Variants in ZNF804B observed in about 807,000 individuals in gnomAD.
ZNF804B encodes zinc finger 804B.
ZNF804B carries 80 observed loss-of-function variants against 101.4 expected under a neutral mutation model. That is an observed-to-expected ratio of 0.79 (90% CI 0.66 to 0.95). ZNF804B has a LOEUF of 0.95. Among genes scored for constraint, ZNF804B ranks in the 40% least tolerant of loss-of-function variants. ZNF804B has a pLI of 0.00. For missense variants in ZNF804B, 1,673 were observed against 1,561.9 expected (o/e 1.07, Z -1.20); for synonymous variants, 622 against 558.8 (o/e 1.11, Z -1.59).
intron 1 of ZNF804B, among the ~76,000 whole-genome samples, chr7:88,812,762 C>A (rs1454283982): frequency 6.6e-6 from 1 of 151,954 alleles, no homozygotes; most frequent in Non-Finnish European, 1.5e-5. Context: ...CACGAATGAA[C>A]CTGGAAGACA....
intron 1 of ZNF804B, among the ~76,000 whole-genome samples, chr7:89,027,092 A>G (rs376190342): frequency 1.3e-5 from 2 of 152,144 alleles, no homozygotes; most frequent in South Asian, 4.1e-4. Flanking sequence ...AAGTGATTAT[A>G]AAAAACCCAT....
At chr7:88,940,779 A>ATAATAATAATAC (rs1310546881) in intron 1 of ZNF804B, among the ~76,000 whole-genome samples, 2 of 144,782 alleles carry the variant, frequency 1.4e-5, no homozygotes, top group Admixed American at 6.9e-5. Context: ...AATAATAATA[A>ATAATAATAATAC]TAATAATAAT....
At chr7:89,198,158 T>C (rs1788583027) in intron 1 of ZNF804B, among the ~76,000 whole-genome samples, 1 of 151,906 alleles carries the variant, frequency 6.6e-6, no homozygotes, top group South Asian at 2.1e-4. Context: ...CAACTAATGA[T>C]ATGATTTAAG....
In ZNF804B at chr7:89,337,809, A is replaced by G. The variant is rs983098696; in HGVS notation, c.*777A>G. Among the ~76,000 whole-genome samples, 2 of 152,088 alleles carry G rather than the reference A, an allele frequency of 1.3e-5. No homozygotes were observed. Among genetic ancestry groups the G allele is most frequent in the Admixed American group, 6.6e-5 (1 of 15,258 alleles). ...TCAAAAATAAAACGTGCTCAGAATA[A>G]CCTTTTAAATATATTGGTCAATCTG... is the stretch of plus-strand genomic sequence containing the variant. On this transcript the variant is annotated 3_prime_UTR_variant, in exon 4 of 4. Transcript: ENST00000333190.
chr7:89,217,454 G>T (rs953097633), intron 1 of ZNF804B, among the ~76,000 whole-genome samples: 2 of 152,148 alleles, frequency 1.3e-5, no homozygotes, highest in Admixed American at 6.5e-5. Flanking sequence ...TGTGAGGAAT[G>T]ATGAGATAAT....
At chr7:89,236,317 G>A (rs572113006) in intron 2 of ZNF804B, among the ~76,000 whole-genome samples, 13 of 151,990 alleles carry the variant, frequency 8.6e-5, no homozygotes, top group Admixed American at 5.9e-4. Context: ...TTCCTAGAGC[G>A]GTGAGGTGAG....
chr7:89,212,626 G>T (rs925860477), intron 1 of ZNF804B, among the ~76,000 whole-genome samples: 1 of 152,124 alleles, frequency 6.6e-6, no homozygotes, highest in African/African-American at 2.4e-5. Context: ...ACAGGAAAGT[G>T]TTTGTTATGC....
At chr7:88,820,201 A>G (rs1583957334) in intron 1 of ZNF804B, among the ~76,000 whole-genome samples, 2 of 152,352 alleles carry the variant, frequency 1.3e-5, no homozygotes, top group East Asian at 3.9e-4. Context: ...TTTGTAGGAT[A>G]CAGCCAGCCT....
At chr7:89,123,287 T>A (rs10269383) in intron 1 of ZNF804B, among the ~76,000 whole-genome samples, 100,513 of 151,310 alleles carry the variant, frequency 0.66, 33,586 homozygotes, top group East Asian at 0.8. Context: ...AGACAAGCAA[T>A]TAAAATAAAG....
At chr7:89,237,751 T>C (rs1789307265) in intron 2 of ZNF804B, among the ~76,000 whole-genome samples, 1 of 152,128 alleles carries the variant, frequency 6.6e-6, no homozygotes, top group African/African-American at 2.4e-5. Flanking sequence ...CTATTCCAAC[T>C]ATTCGGTGCA....
chr7:89,278,778 G>T (rs988496127), intron 2 of ZNF804B, among the ~76,000 whole-genome samples: 4 of 150,422 alleles, frequency 2.7e-5, no homozygotes, highest in Admixed American at 2.7e-4. Flanking sequence ...TTGAAGTCAG[G>T]TAGCATGATG....
At chr7:89,258,159 A>T (rs1789662798) in intron 2 of ZNF804B, among the ~76,000 whole-genome samples, 1 of 152,082 alleles carries the variant, frequency 6.6e-6, no homozygotes, top group South Asian at 2.1e-4. Flanking sequence ...TTTACATTTT[A>T]TTAGGTATTA....
intron 3 of ZNF804B, among the ~76,000 whole-genome samples, chr7:89,329,730 T>A (rs1265337554): frequency 2.0e-5 from 3 of 151,632 alleles, no homozygotes; most frequent in African/African-American, 7.2e-5. Flanking sequence ...TGTATGTAAG[T>A]TTTAGTACAT....
intron 1 of ZNF804B, among the ~76,000 whole-genome samples, chr7:88,913,818 C>CA (rs1792589227): frequency 6.6e-6 from 1 of 152,122 alleles, no homozygotes; most frequent in Non-Finnish European, 1.5e-5. Context: ...TTATTTCTAG[C>CA]AAAAAATAGC....
intron 1 of ZNF804B, among the ~76,000 whole-genome samples, chr7:89,210,117 C>T (rs1788780020): frequency 6.7e-6 from 1 of 149,732 alleles, no homozygotes; most frequent in African/African-American, 2.5e-5. Context: ...CACTGTACCC[C>T]AGCCTGGGTG....
At chr7:89,266,241 G>C (rs1584092263) in intron 2 of ZNF804B, among the ~76,000 whole-genome samples, 1 of 152,122 alleles carries the variant, frequency 6.6e-6, no homozygotes, top group South Asian at 2.1e-4. Context: ...GATATTACTA[G>C]TCTAGCACCA....
At chr7:89,066,169 T>C (rs914654695) in intron 1 of ZNF804B, among the ~76,000 whole-genome samples, 2 of 152,140 alleles carry the variant, frequency 1.3e-5, no homozygotes, top group South Asian at 2.1e-4. Flanking sequence ...AGAATTTGGT[T>C]TGAGAACACA....
intron 1 of ZNF804B, among the ~76,000 whole-genome samples, chr7:89,204,109 A>C (rs966802509): frequency 1.1e-4 from 16 of 152,200 alleles, no homozygotes; most frequent in African/African-American, 3.6e-4. Flanking sequence ...GTAACTGAGC[A>C]GGTATCACTA....
chr7:88,859,063 C>T (rs1791612187), intron 1 of ZNF804B, among the ~76,000 whole-genome samples: 1 of 151,950 alleles, frequency 6.6e-6, no homozygotes, highest in South Asian at 2.1e-4. Context: ...ATATATTTTA[C>T]TTATCATTGG....
Sources: allele counts gnomAD v4.1 joint callset (sites outside exome capture counted in the v4.1 genomes callset), GRCh38; gene constraint gnomAD v4.1.1; transcripts MANE v1.5; gene names NCBI Gene and HGNC (gene_info 2026-07-23, HGNC 2026-07-21).